The following TNFRSF11A variants were observed in gnomAD, a reference collection of about 807,000 sequenced individuals.
TNFRSF11A encodes tumor necrosis factor receptor superfamily member 11A.
In TNFRSF11A, 32 loss-of-function variants were observed where a neutral mutation model predicts 55.7. The ratio of observed to expected loss-of-function variants is 0.57; its 90% CI spans 0.43 to 0.77. The LOEUF (loss-of-function observed/expected upper bound fraction) is 0.77. Among genes scored for constraint, TNFRSF11A ranks in the 30% least tolerant of loss-of-function variants. TNFRSF11A has a pLI of 0.00. For missense variants in TNFRSF11A, 753 were observed against 809.8 expected (o/e 0.93, Z 0.85); for synonymous variants, 311 against 331.0 (o/e 0.94, Z 0.65).
At chr18:62,377,208 C>A (rs570730560) in intron 9 of TNFRSF11A, among the ~76,000 whole-genome samples, 1 of 152,300 alleles carries the variant, frequency 6.6e-6, no homozygotes, top group East Asian at 1.9e-4. Flanking sequence ...AGCCACCGTG[C>A]CTGGCCAGCT....
chr18:62,384,218 G>T (rs1312390086), intron 9 of TNFRSF11A, among the ~76,000 whole-genome samples: 4 of 152,116 alleles, frequency 2.6e-5, no homozygotes, highest in African/African-American at 7.2e-5. Context: ...CCCTAGGCTT[G>T]CTCGTTTCTC....
chr18:62,336,351 C>G (rs2046233036), intron 1 of TNFRSF11A: 1 of 152,094 alleles, frequency 6.6e-6, no homozygotes, highest in African/African-American at 2.4e-5. Context: ...TGGATTTCAC[C>G]CTGAAGGCTG....
rs145826069 is a variant in TNFRSF11A at position 62,355,686 on chromosome 18, A to T, written c.427+1152A>T. 4.3e-3 allele frequency among the ~76,000 whole-genome samples: 656 copies of T among 152,246 alleles called. 13 individuals carry two copies. Among genetic ancestry groups the T allele is most frequent in the East Asian group, 1.7e-3 (9 of 5,192 alleles). On this transcript the variant is annotated intron_variant, in intron 4 of 9. Transcript: ENST00000586569. ...ATTACACAATTGGTCACAAATGAAT[A>T]TATCCTATTTTGCTATATTATAATC...
At chr18:62,336,335 A>T (rs1410199927) in intron 1 of TNFRSF11A, 2 of 152,194 alleles carry the variant, frequency 1.3e-5, no homozygotes, top group Non-Finnish European at 2.9e-5. Context: ...CACATTGGAG[A>T]AGCACTGGAT....
intron 5 of TNFRSF11A, among the ~76,000 whole-genome samples, chr18:62,358,809 C>T (rs1216010338): frequency 6.6e-6 from 1 of 152,000 alleles, no homozygotes; most frequent in African/African-American, 2.4e-5. Context: ...TATATTAGTT[C>T]ACCAGTTCAT....
chr18:62,372,550 A>G (rs1433741573), intron 9 of TNFRSF11A, among the ~76,000 whole-genome samples: 1 of 151,706 alleles, frequency 6.6e-6, no homozygotes, highest in East Asian at 1.9e-4. Flanking sequence ...TTCAGGGTAC[A>G]TGTGCAGGTT....
chr18:62,329,133 T>A (rs2046114852), intron 1 of TNFRSF11A, among the ~76,000 whole-genome samples: 1 of 151,124 alleles, frequency 6.6e-6, no homozygotes, highest in African/African-American at 2.5e-5. Context: ...GAAAAAAAAA[T>A]AGTGTTTTTC....
In TNFRSF11A at chr18:62,385,056, C is replaced by T; in HGVS notation, c.*22C>T. 6.9e-7 allele frequency: 1 copy of T among 1,459,774 alleles called. No homozygotes were observed. Among genetic ancestry groups the T allele is most frequent in the Non-Finnish European group, 9.0e-7 (1 of 1,115,164 alleles). The allele number at this position is 1,459,774 out of a possible 1,614,324, so 90.4% of individuals were successfully genotyped here. A position where few individuals can be genotyped will look rare whatever the true frequency, so the allele number is the denominator to read the frequency against. ...TTGAGCGCCCCCCATGGCTGGGAGC[C>T]CGAAGCTCGGAGCCAGGGCTCGCGA... On this transcript the variant is annotated 3_prime_UTR_variant, in exon 10 of 10. Coordinates refer to ENST00000586569, the MANE Select transcript of TNFRSF11A (RefSeq NM_003839.4).
In TNFRSF11A at chr18:62,325,705, T is replaced by C. The variant is rs2046063013; in HGVS notation, c.75+278T>C. Among the ~76,000 whole-genome samples, 1 of 152,212 alleles carries C rather than the reference T, an allele frequency of 6.6e-6. No homozygotes were observed. Among genetic ancestry groups the C allele is most frequent in the Non-Finnish European group, 1.5e-5 (1 of 68,030 alleles). The stretch of plus-strand genomic sequence containing the variant: ...CCAAAAGCCCCTCTTAGCCGCAGGC[T>C]TTGATGCTGTCATTTTCTCCAAATG... On this transcript the variant is annotated intron_variant, in intron 1 of 9. Transcript: ENST00000586569. This position sits in a 1 kb window ranked among gnomAD's most constrained non-coding sequence, Gnocchi z 4.7.
intron 1 of TNFRSF11A, among the ~76,000 whole-genome samples, chr18:62,339,273 C>T (rs954614171): frequency 6.6e-6 from 1 of 152,280 alleles, no homozygotes; most frequent in East Asian, 1.9e-4. Flanking sequence ...CTGCACCTGC[C>T]CGAGTCTCCC....
At chr18:62,362,490 C>CAAAAAAAAAAAAAA (rs57219485) in intron 7 of TNFRSF11A, among the ~76,000 whole-genome samples, 2 of 75,872 alleles carry the variant, frequency 2.6e-5, no homozygotes, top group African/African-American at 5.4e-5. Flanking sequence ...AACTTCATCT[C>CAAAAAAAAAAAAAA]AAAAAAAAAA....
Position 62,348,128 on chromosome 18 carries a change from G to T in TNFRSF11A, c.76-40G>T, listed in dbSNP as rs1050852821. 6 of 1,485,852 alleles carry T rather than the reference G, an allele frequency of 4.0e-6. No homozygotes were observed. In the African/African-American group the frequency reaches 6.9e-5, roughly 17 times the overall value. The allele number at this position is 1,485,852 out of a possible 1,614,324, so 92.0% of individuals were successfully genotyped here. On this transcript the variant is annotated intron_variant, in intron 1 of 9. Coordinates refer to ENST00000586569, the MANE Select transcript of TNFRSF11A (RefSeq NM_003839.4). The stretch of plus-strand genomic sequence containing the variant: ...TTTTACCTAGTTTTATCCAGAAAGA[G>T]CTGTGTGGACTCTCTGCCTGACCTC...
At chr18:62,331,206 G>GTAAA (rs57622910) in intron 1 of TNFRSF11A, among the ~76,000 whole-genome samples, 3,629 of 137,300 alleles carry the variant, frequency 0.026, 216 homozygotes, top group East Asian at 0.22. Context: ...CCATCCCAAA[G>GTAAA]TAAATAAATA....
chr18:62,362,658 C>A (rs1184049069), intron 7 of TNFRSF11A, among the ~76,000 whole-genome samples: 2 of 152,092 alleles, frequency 1.3e-5, no homozygotes, highest in Non-Finnish European at 2.9e-5. Flanking sequence ...TCATGTTTAA[C>A]TTGTAGACTA....
intron 1 of TNFRSF11A, among the ~76,000 whole-genome samples, chr18:62,331,590 G>C (rs966674445): frequency 2.0e-5 from 3 of 152,182 alleles, no homozygotes; most frequent in Non-Finnish European, 2.9e-5. Flanking sequence ...GTTCAGCGTA[G>C]AGACAGAGCT....
intron 1 of TNFRSF11A, among the ~76,000 whole-genome samples, chr18:62,345,735 G>A (rs2046373553): frequency 6.6e-6 from 1 of 151,870 alleles, no homozygotes; most frequent in Non-Finnish European, 1.5e-5. Context: ...TTATACCTCA[G>A]TTTTTGGGCA....
chr18:62,388,361 G>C lies in TNFRSF11A; in HGVS notation c.*3327G>C, dbSNP rs1245039522. On this transcript the variant is annotated 3_prime_UTR_variant, in exon 10 of 10. Transcript: ENST00000586569. The stretch of plus-strand genomic sequence containing the variant: ...AGGCCTAGGCTCTAACTGGCATGCT[G>C]TCACTTCTGCCACATTCTGTGGGCC... The C allele has an allele frequency of 6.6e-6, 1 of 152,282 alleles. No individual in the cohort carries two copies. The highest frequency in any genetic ancestry group is 2.4e-5 in the African/African-American group (1 of 41,470). 9.4% of individuals were successfully genotyped at this position (152,282 alleles called of 1,614,324 possible).
intron 3 of TNFRSF11A, 131 bp downstream of exon 3, chr18:62,350,068 C>T (rs1568480183): frequency 7.9e-7 from 1 of 1,264,448 alleles, no homozygotes. Context: ...GACTACACAT[C>T]CCAAGAAAGA....
intron 9 of TNFRSF11A, among the ~76,000 whole-genome samples, chr18:62,377,158 G>T (rs1308660228): frequency 6.6e-6 from 1 of 152,120 alleles, no homozygotes; most frequent in East Asian, 1.9e-4. Flanking sequence ...CTTGAGAGTC[G>T]CCCGCCTCGG....
Sources: allele counts gnomAD v4.1 joint callset (sites outside exome capture counted in the v4.1 genomes callset), GRCh38; gene constraint gnomAD v4.1.1; non-coding constraint Gnocchi (gnomAD v3.1); transcripts MANE v1.5; gene names NCBI Gene and HGNC (gene_info 2026-07-23, HGNC 2026-07-21).